Variants in RBFOX1 observed in about 807,000 individuals in gnomAD.
RBFOX1 encodes the protein RNA binding fox-1 homolog 1, also known as RNA binding protein fox-1 homolog 1.
In RBFOX1, 8 loss-of-function variants were observed where a neutral mutation model predicts 57.7. The ratio of observed to expected loss-of-function variants is 0.14; its 90% CI spans 0.08 to 0.25. RBFOX1 has a LOEUF of 0.25. RBFOX1 is among the 10% of genes least tolerant of loss of function. The pLI is 1.00. For missense variants in RBFOX1, 611 were observed against 548.5 expected (o/e 1.11, Z -1.14); for synonymous variants, 326 against 222.4 (o/e 1.47, Z -4.15).
chr16:6,993,143 A>G (rs1208089535), intron 3 of RBFOX1, among the ~76,000 whole-genome samples: 1 of 152,158 alleles, frequency 6.6e-6, no homozygotes, highest in African/African-American at 2.4e-5. Flanking sequence ...ACTGAACTGT[A>G]ACACTGACTT....
At chr16:5,420,391 TACACACACACAC>T (rs59939324) in intron 1 of RBFOX1, among the ~76,000 whole-genome samples, 2 of 151,038 alleles carry the variant, frequency 1.3e-5, no homozygotes, top group South Asian at 4.2e-4. Flanking sequence ...CACCCCCATA[TACACACACACAC>T]ACACACACTC....
At chr16:5,434,320 T>TTA (rs1187582194) in intron 1 of RBFOX1, among the ~76,000 whole-genome samples, 2 of 135,144 alleles carry the variant, frequency 1.5e-5, no homozygotes, top group African/African-American at 5.5e-5. Context: ...TGAAGTCCTT[T>TTA]TTTTTTTTTT....
At chr16:7,256,514 C>G (rs8047169) in intron 4 of RBFOX1, among the ~76,000 whole-genome samples, 1 of 152,120 alleles carries the variant, frequency 6.6e-6, no homozygotes, top group African/African-American at 2.4e-5. Flanking sequence ...AATCACCATT[C>G]CCCTTCCCTC....
intron 3 of RBFOX1, among the ~76,000 whole-genome samples, chr16:6,693,386 A>C (rs111208320): frequency 6.6e-6 from 1 of 150,810 alleles, no homozygotes. Flanking sequence ...CTACTCCACT[A>C]GAATCACCAT....
intron 3 of RBFOX1, among the ~76,000 whole-genome samples, chr16:5,769,705 A>T (rs145147506): frequency 2.0e-5 from 3 of 152,128 alleles, no homozygotes; most frequent in African/African-American, 7.2e-5. Flanking sequence ...AGATCACGTG[A>T]TGACATGGGG....
At chr16:7,095,609 GATGTCATGATACAT>G (rs1467804740) in intron 4 of RBFOX1, among the ~76,000 whole-genome samples, 4 of 152,288 alleles carry the variant, frequency 2.6e-5, no homozygotes, top group African/African-American at 9.6e-5. Flanking sequence ...TCTATACTTG[GATGTCATGATACAT>G]ACCAGGTGGG....
rs1603618468 is a variant in RBFOX1 at position 6,768,761 on chromosome 16, GC to G, written c.-16+114112del. ...TTTTCTTTTTTTTTTTTTGAGACTT[GC>G]TTTGTCGCCAGGTTGGAGTGCAATG... On this transcript the variant is annotated intron_variant, in intron 3 of 15. Transcript: ENST00000550418. Among the ~76,000 whole-genome samples, 20 of 131,282 alleles carry G rather than the reference GC, an allele frequency of 1.5e-4. No individual in the cohort carries two copies. In the East Asian group the frequency reaches 2.7e-3, roughly 17 times the overall value. The allele number at this position is 131,282 out of a possible 152,430, so 86.1% of individuals were successfully genotyped here.
At chr16:6,605,197 C>G (rs536814448) in intron 2 of RBFOX1, among the ~76,000 whole-genome samples, 44 of 152,120 alleles carry the variant, frequency 2.9e-4, no homozygotes, top group Non-Finnish European at 4.1e-4. Context: ...TGTGATCAAA[C>G]CACTGTACTG....
At chr16:6,125,820 C>T (rs1242733641) in intron 1 of RBFOX1, among the ~76,000 whole-genome samples, 3 of 152,056 alleles carry the variant, frequency 2.0e-5, no homozygotes, top group Non-Finnish European at 4.4e-5. Flanking sequence ...TATTTTCCTC[C>T]CATTGTATTG....
At chr16:7,604,902 A>G (rs974777093) in intron 9 of RBFOX1, among the ~76,000 whole-genome samples, 4 of 152,202 alleles carry the variant, frequency 2.6e-5, no homozygotes, top group Non-Finnish European at 5.9e-5. Flanking sequence ...GAAAGACACC[A>G]TCTCCACTAC....
At chr16:5,703,681 C>G (rs986556336) in intron 3 of RBFOX1, among the ~76,000 whole-genome samples, 3 of 152,160 alleles carry the variant, frequency 2.0e-5, no homozygotes, top group African/African-American at 7.2e-5. Context: ...GCCCAGTTTT[C>G]TCATCCGTTA....
At chr16:6,593,712 C>T (rs74005201) in intron 2 of RBFOX1, among the ~76,000 whole-genome samples, 8,980 of 152,100 alleles carry the variant, frequency 0.059, 852 homozygotes, top group African/African-American at 0.2. Flanking sequence ...ATTTTTACTT[C>T]TTATTTTACA....
chr16:6,704,675 A>C (rs758239177), intron 3 of RBFOX1: 1 of 152,296 alleles, frequency 6.6e-6, no homozygotes, highest in East Asian at 1.9e-4. Context: ...CTAACTGCCT[A>C]TTTATCCCAA....
At chr16:6,774,914 A>G (rs905008397) in intron 3 of RBFOX1, among the ~76,000 whole-genome samples, 1 of 152,104 alleles carries the variant, frequency 6.6e-6, no homozygotes, top group Non-Finnish European at 1.5e-5. Flanking sequence ...CCCATTGAGT[A>G]GTGGCTACCA....
At chr16:6,860,867 G>A (rs952600280) in intron 3 of RBFOX1, among the ~76,000 whole-genome samples, 3 of 152,038 alleles carry the variant, frequency 2.0e-5, no homozygotes, top group Non-Finnish European at 4.4e-5. Context: ...ATATATAAAT[G>A]TATTCAAAAA....
intron 3 of RBFOX1, among the ~76,000 whole-genome samples, chr16:6,907,291 C>A (rs920119351): frequency 1.3e-5 from 2 of 152,090 alleles, no homozygotes; most frequent in Non-Finnish European, 2.9e-5. Flanking sequence ...TCATCTTTAC[C>A]GATGTGCCTC....
intron 3 of RBFOX1, among the ~76,000 whole-genome samples, chr16:5,691,460 A>G (rs1422114667): frequency 6.6e-6 from 1 of 152,162 alleles, no homozygotes; most frequent in East Asian, 1.9e-4. Flanking sequence ...ATATTTGTTA[A>G]TTCAATGTTC....
chr16:5,737,057 G>A (rs2052603327), intron 3 of RBFOX1, among the ~76,000 whole-genome samples: 2 of 152,062 alleles, frequency 1.3e-5, no homozygotes, highest in African/African-American at 4.8e-5. Flanking sequence ...AGAGGTGAGT[G>A]AGGGGTACTG....
intron 3 of RBFOX1, among the ~76,000 whole-genome samples, chr16:6,710,741 G>A (rs1371862805): frequency 6.6e-6 from 1 of 152,222 alleles, no homozygotes; most frequent in Non-Finnish European, 1.5e-5. Flanking sequence ...TTAGATGGCA[G>A]GAAAATGGCC....
Sources: allele counts gnomAD v4.1 joint callset (sites outside exome capture counted in the v4.1 genomes callset), GRCh38; gene constraint gnomAD v4.1.1; transcripts MANE v1.5; gene names NCBI Gene and HGNC (gene_info 2026-07-23, HGNC 2026-07-21).